The following TRIM26 variants were observed in gnomAD, a reference collection of about 807,000 sequenced individuals.
The protein encoded by TRIM26 is tripartite motif containing 26.
Under a neutral mutation model 45.5 loss-of-function variants are expected in TRIM26, and 16 were observed. That is an observed-to-expected ratio of 0.35 (90% confidence interval 0.24 to 0.53). TRIM26 has a LOEUF of 0.53. Among genes scored for constraint, TRIM26 ranks in the 20% least tolerant of loss-of-function variants. The pLI is 0.92. For synonymous variants in TRIM26, 273 were observed against 290.4 expected (o/e 0.94, Z 0.61); for missense variants, 442 against 691.1 (o/e 0.64, Z 4.04).
chr6:30,198,499 G>A lies in TRIM26; in HGVS notation c.464C>T (p.Thr155Ile), dbSNP rs1776730305. 1 of 1,613,052 alleles carries A rather than the reference G, an allele frequency of 6.2e-7. No homozygotes were observed. The highest frequency in any genetic ancestry group is 8.5e-7 in the Non-Finnish European group (1 of 1,180,034). ...HREKILNHLS[T>I]LRRDRDKIQG... ...AATTTTGTCTCTGTCCCTCCTTAGG[G>A]TACTCAGGTGGTTCAGGATTTTTTC... is the stretch of plus-strand genomic sequence containing the variant. The change falls in exon 5 of 10, where the codon ACC becomes ATC. Residue 155 changes from threonine (T) to isoleucine (I), a missense_variant. Coordinates refer to ENST00000454678, the MANE Select transcript of TRIM26 (RefSeq NM_003449.5). This position sits in a 1 kb window ranked among gnomAD's most constrained non-coding sequence, Gnocchi z 6.3.
At chr6:30,197,973 C>T (rs1184454305) in intron 5 of TRIM26, among the ~76,000 whole-genome samples, 1 of 152,222 alleles carries the variant, frequency 6.6e-6, no homozygotes, top group Non-Finnish European at 1.5e-5. Context: ...TCAGAATTGG[C>T]AGACCTGCCT....
intron 6 of TRIM26, among the ~76,000 whole-genome samples, chr6:30,191,422 A>G (rs6901985): frequency 0.042 from 5,772 of 136,854 alleles, 136 homozygotes; most frequent in African/African-American, 0.068. Flanking sequence ...AAAAAAAAAA[A>G]AGAGAGAGAG....
chr6:30,193,136 ATGTG>A (rs9278607), intron 6 of TRIM26, among the ~76,000 whole-genome samples: 2,302 of 51,488 alleles, frequency 0.045, 90 homozygotes, highest in Non-Finnish European at 0.057. Context: ...ATATACATAT[ATGTG>A]TGTGTGTGTG....
intron 1 of TRIM26, among the ~76,000 whole-genome samples, 153 bp downstream of exon 1, chr6:30,213,152 G>C (rs1338428333): frequency 6.6e-6 from 1 of 152,234 alleles, no homozygotes; most frequent in Non-Finnish European, 1.5e-5. Context: ...GGCTGGCAGG[G>C]AGGACGCAGC....
chr6:30,192,254 G>A (rs17194551), intron 6 of TRIM26, among the ~76,000 whole-genome samples: 4,376 of 152,316 alleles, frequency 0.029, 134 homozygotes, highest in African/African-American at 0.08. Flanking sequence ...GCAAGCTCCC[G>A]GAGGGGATGT....
At position 30,209,848 on chromosome 6, in the gene TRIM26, TAAATAAAAATAA is replaced by T. The variant is rs544419588; in HGVS notation, c.-376+3445_-376+3456del. On this transcript the variant is annotated intron_variant, in intron 1 of 9. Coordinates refer to ENST00000454678, the MANE Select transcript of TRIM26 (RefSeq NM_003449.5). The surrounding 1 kb of genome is among the most constrained non-coding windows in gnomAD (Gnocchi z 4.8). ...GAGACTGTCTCTAAAATAAAATAAATAAATAAAAATAAAAATAAAAATAAAAACAAACACACC... is the reference window on the plus strand; with the variant it reads ...GAGACTGTCTCTAAAATAAAATAAATAAATAAAAATAAAAACAAACACACC... Among the ~76,000 whole-genome samples, 744 of 150,100 alleles carry T rather than the reference TAAATAAAAATAA, an allele frequency of 5.0e-3. 2 individuals carry two copies. Among genetic ancestry groups the T allele is most frequent in the African/African-American group, 0.012 (473 of 40,782 alleles).
chr6:30,199,369 A>G (rs553008038), intron 3 of TRIM26, 105 bp from the exon 4 acceptor site: 76 of 415,784 alleles, frequency 1.8e-4, no homozygotes, highest in African/African-American at 1.4e-3. Context: ...TTAGCTTGGT[A>G]GAGTGAAGAG....
rs1300755260 is a variant in TRIM26 at position 30,196,468 on chromosome 6, G to A, written c.765+48C>T. The A allele has an allele frequency of 6.4e-7, 1 of 1,572,464 alleles. No homozygotes were observed. The highest frequency in any genetic ancestry group is 1.7e-5 in the Admixed American group (1 of 59,228). ...TCCTGCAAGTGAATGGCAGGGCTGG[G>A]ACCCACCGTCCTGGTCCCTGGCGCC... is the stretch of plus-strand genomic sequence containing the variant. On this transcript the variant is annotated intron_variant, in intron 6 of 9. Transcript: ENST00000454678. The surrounding 1 kb of genome is among the most constrained non-coding windows in gnomAD (Gnocchi z 4.9).
chr6:30,195,879 G>T (rs1187114120), intron 6 of TRIM26, among the ~76,000 whole-genome samples: 1 of 152,156 alleles, frequency 6.6e-6, no homozygotes, highest in Non-Finnish European at 1.5e-5. Context: ...GAGGCTCCCG[G>T]GGGGGAGGAG....
chr6:30,195,867 C>G (rs1209999597), intron 6 of TRIM26, among the ~76,000 whole-genome samples: 1 of 152,202 alleles, frequency 6.6e-6, no homozygotes, highest in Admixed American at 6.5e-5. Context: ...GTGTGATCCC[C>G]AGAGGCTCCC....
chr6:30,185,678 C>T lies in TRIM26; in HGVS notation c.*198G>A. On this transcript the variant is annotated 3_prime_UTR_variant, in exon 10 of 10. Transcript: ENST00000454678. This position sits in a 1 kb window ranked among gnomAD's most constrained non-coding sequence, Gnocchi z 5.7. ...AAACCAGCAGGAGGTGGGAAAAGAG[C>T]CCCATTAGGGCAGTAGATGGAGCAA... 1.6e-6 allele frequency: 1 copy of T among 619,296 alleles called. No individual in the cohort carries two copies. The highest frequency in any genetic ancestry group is 2.7e-6 in the Non-Finnish European group (1 of 365,622). The allele number at this position is 619,296 out of a possible 1,614,324, so 38.4% of individuals were successfully genotyped here.
chr6:30,205,370 T>C (rs528956707), intron 1 of TRIM26, among the ~76,000 whole-genome samples: 1 of 152,192 alleles, frequency 6.6e-6, no homozygotes, highest in South Asian at 2.1e-4. Flanking sequence ...ACTCCCTACC[T>C]TTCTCTAAGA....
Position 30,196,544 on chromosome 6 carries a change from G to A in TRIM26, c.737C>T (p.Ala246Val), listed in dbSNP as rs375533552. ...ALVISELEGK[A>V]QQPAAELMQD... ...CATGAGCTCTGCAGCTGGCTGCTGC[G>A]CCTTGCCCTCCAGTTCGGAGATGAC... Residue 246 changes from alanine to valine, a missense_variant, in exon 6 of 10, where the codon GCG (alanine) becomes GTG (valine). Ala to Val is a moderately conservative substitution (Grantham distance 64). Transcript: ENST00000454678. This position sits in a 1 kb window ranked among gnomAD's most constrained non-coding sequence, Gnocchi z 4.9. The A allele has an allele frequency of 1.1e-5, 17 of 1,609,878 alleles. No individual in the cohort carries two copies. Among genetic ancestry groups the A allele is most frequent in the African/African-American group, 1.3e-5 (1 of 74,918 alleles).
intron 3 of TRIM26, among the ~76,000 whole-genome samples, chr6:30,200,734 GA>G (rs1307401064): frequency 1.3e-5 from 2 of 152,226 alleles, no homozygotes; most frequent in African/African-American, 4.8e-5. Flanking sequence ...TGACAATACA[GA>G]AGTCACTTAA....
chr6:30,193,178 ATATATTT>A (rs1223707293), intron 6 of TRIM26, among the ~76,000 whole-genome samples: 6 of 51,316 alleles, frequency 1.2e-4, no homozygotes, highest in African/African-American at 7.4e-4. Context: ...ATATATATAT[ATATATTT>A]TTTTTTTTTT....
chr6:30,186,909 C>A lies in TRIM26; in HGVS notation c.938-351G>T. 1 of 628,318 alleles carries A rather than the reference C, an allele frequency of 1.6e-6. No homozygotes were observed. The highest frequency in any genetic ancestry group is 2.9e-6 in the Non-Finnish European group (1 of 350,126). The allele number at this position is 628,318 out of a possible 1,614,324, so 38.9% of individuals were successfully genotyped here. On this transcript the variant is annotated intron_variant, in intron 9 of 9. Coordinates refer to ENST00000454678, the MANE Select transcript of TRIM26 (RefSeq NM_003449.5). The surrounding 1 kb of genome is among the most constrained non-coding windows in gnomAD (Gnocchi z 7.4). The stretch of plus-strand genomic sequence containing the variant: ...ATCATCCAAGTGTGGATCACCAGTC[C>A]CTGAAAAATCTGTTCCATTTTCTTC...
At chr6:30,212,932 A>G (rs28398051) in intron 1 of TRIM26, among the ~76,000 whole-genome samples, 63,183 of 149,626 alleles carry the variant, frequency 0.42, 13,651 homozygotes, top group Non-Finnish European at 0.45. Flanking sequence ...AAAAAAAAAA[A>G]AAAGAAAGAG....
At position 30,198,423 on chromosome 6, in the gene TRIM26, A is replaced by G. The variant is rs1776721320; in HGVS notation, c.534+6T>C. The G allele has an allele frequency of 6.2e-7, 1 of 1,613,004 alleles. No homozygotes were observed. The highest frequency in any genetic ancestry group is 8.5e-7 in the Non-Finnish European group (1 of 1,180,026). On this transcript the variant is annotated splice_donor_region_variant and intron_variant, in intron 5 of 9. Coordinates refer to ENST00000454678, the MANE Select transcript of TRIM26 (RefSeq NM_003449.5). The surrounding 1 kb of genome is among the most constrained non-coding windows in gnomAD (Gnocchi z 6.3). ...CCTCAGGGCTTCCTGAAACAGCCTCACTTACCAGCGCGGCCAGGATATCAG... is the reference window on the plus strand; with the variant it reads ...CCTCAGGGCTTCCTGAAACAGCCTCGCTTACCAGCGCGGCCAGGATATCAG...
chr6:30,197,884 G>A (rs940765128), intron 5 of TRIM26, among the ~76,000 whole-genome samples: 3 of 151,974 alleles, frequency 2.0e-5, no homozygotes, highest in Non-Finnish European at 2.9e-5. Context: ...TCGCCGCTAC[G>A]GAACCCACAG....
Sources: gnomAD v4.1 joint callset for allele counts (sites outside exome capture counted in the v4.1 genomes callset) on GRCh38, gnomAD v4.1.1 for gene constraint, Gnocchi (gnomAD v3.1) non-coding constraint, MANE v1.5 for transcripts, NCBI Gene and HGNC (gene_info 2026-07-23, HGNC 2026-07-21) for gene names.